Variants in CLSTN1 observed in about 807,000 individuals in gnomAD.
CLSTN1 encodes the protein calsyntenin 1.
CLSTN1 carries 28 observed loss-of-function variants against 108.3 expected under a neutral mutation model. The observed-to-expected ratio is 0.26, with a 90% CI of 0.19 to 0.35. The LOEUF (loss-of-function observed/expected upper bound fraction) is 0.35, where lower values mean the gene tolerates loss of function less well. Ranked by LOEUF, CLSTN1 falls within the 10% of genes least tolerant of loss-of-function variation. CLSTN1 has a pLI of 1.00. For missense variants in CLSTN1, 1,157 were observed against 1,302.6 expected (o/e 0.89, Z 1.72); for synonymous variants, 524 against 534.9 (o/e 0.98, Z 0.28).
rs41280776 is a variant in CLSTN1, at chr1:9,733,394, T to A, written c.2427+7A>T. Reference sequence around the variant, plus strand: ...TTGGCCCTGCTCAGTGGGAGCCTTGTACTCACCTCCACCTTAAATTCGTTG... The same window carrying A: ...TTGGCCCTGCTCAGTGGGAGCCTTGAACTCACCTCCACCTTAAATTCGTTG... On this transcript the variant is annotated splice_region_variant and intron_variant, in intron 16 of 18. Transcript: ENST00000377298. 0.051 allele frequency: 81,574 copies of A among 1,614,152 alleles called. 2,878 individuals are homozygous for A. The highest frequency in any genetic ancestry group is 0.15 in the South Asian group (13,701 of 91,068).
intron 4 of CLSTN1, among the ~76,000 whole-genome samples, 186 bp downstream of exon 4, chr1:9,754,928 T>A (rs1282647661): frequency 1.3e-5 from 2 of 152,184 alleles, no homozygotes; most frequent in Non-Finnish European, 2.9e-5. Context: ...AGAAACTGTA[T>A]ACAAGGGTAG....
chr1:9,758,019 A>ACGGGGG, intron 2 of CLSTN1, among the ~76,000 whole-genome samples: 1 of 151,072 alleles, frequency 6.6e-6, no homozygotes, highest in African/African-American at 2.4e-5. Context: ...GGGGGTGGGA[A>ACGGGGG]CGGAGTTTCA....
At chr1:9,755,034 G>T in intron 4 of CLSTN1, 80 bp downstream of exon 4, 2 of 1,167,080 alleles carry the variant, frequency 1.7e-6, no homozygotes, top group Non-Finnish European at 2.5e-6. Flanking sequence ...TGGGGAGCAG[G>T]CAATAGTCAC....
At chr1:9,733,840 C>T (rs1650535905) in intron 15 of CLSTN1, 132 bp downstream of exon 15, 11 of 948,406 alleles carry the variant, frequency 1.2e-5, no homozygotes, top group African/African-American at 1.6e-5. Context: ...ATGATCCCAG[C>T]GAACGTGCTC....
chr1:9,770,029 CAA>C (rs5772376), intron 2 of CLSTN1, among the ~76,000 whole-genome samples: 2,799 of 115,776 alleles, frequency 0.024, 27 homozygotes, highest in East Asian at 0.049. Flanking sequence ...GACTCCGTCT[CAA>C]AAAAAAAAAA....
chr1:9,733,337 C>T (rs1310994904), intron 16 of CLSTN1, 64 bp downstream of exon 16: 13 of 1,591,720 alleles, frequency 8.2e-6, no homozygotes, highest in African/African-American at 1.3e-5. Context: ...AATATTAGGG[C>T]TGCAAATCAG....
rs143547195 is a variant in CLSTN1 at position 9,773,254 on chromosome 1, T to C, written c.214+18A>G. On this transcript the variant is annotated intron_variant, in intron 2 of 18. Transcript: ENST00000377298. ...CCAGGCCCGATTCATCAAGAGTCAA[T>C]GAAAGCCCCGTTCCTACCTGCAAAT... 2 of 1,613,558 alleles carry C rather than the reference T, an allele frequency of 1.2e-6. No individual in the cohort carries two copies. Among genetic ancestry groups the C allele is most frequent in the Non-Finnish European group, 1.7e-6 (2 of 1,179,692 alleles).
rs1250951972 is a variant in CLSTN1, at chr1:9,749,871, T to C, written c.692A>G (p.His231Arg). 3 of 1,614,014 alleles carry C rather than the reference T, an allele frequency of 1.9e-6. No individual in the cohort carries two copies. Among genetic ancestry groups the C allele is most frequent in the East Asian group, 2.2e-5 (1 of 44,894 alleles). Residue 231 changes from histidine (H) to arginine (R), a missense_variant, in exon 6 of 19, where the codon CAT becomes CGT. Coordinates refer to ENST00000377298, the MANE Select transcript of CLSTN1 (RefSeq NM_001009566.3). ...NTEKLNYGKE[H>R]QYKLTVTAYD... The stretch of plus-strand genomic sequence containing the variant: ...GGCAGTGACGGTCAGCTTATATTGA[T>C]GTTCTTTCCCGTAGTTTAATTTCTC...
chr1:9,809,447 C>G (rs1654638638), intron 1 of CLSTN1, among the ~76,000 whole-genome samples: 1 of 152,128 alleles, frequency 6.6e-6, no homozygotes. Context: ...ACCACCCCAC[C>G]TGCCTCTCCT....
intron 2 of CLSTN1, among the ~76,000 whole-genome samples, chr1:9,769,319 C>G (rs1652551873): frequency 6.6e-6 from 1 of 152,098 alleles, no homozygotes; most frequent in East Asian, 1.9e-4. Context: ...AAACCTATGT[C>G]CACACAAAGA....
At chr1:9,796,615 CG>C (rs1438359515) in intron 1 of CLSTN1, among the ~76,000 whole-genome samples, 7 of 147,704 alleles carry the variant, frequency 4.7e-5, no homozygotes, top group Admixed American at 2.2e-4. Context: ...ACCTGAGAGG[CG>C]GAGCTTGCAG....
chr1:9,800,582 T>C (rs963483343), intron 1 of CLSTN1, among the ~76,000 whole-genome samples: 12 of 132,476 alleles, frequency 9.1e-5, no homozygotes, highest in Admixed American at 6.3e-4. Context: ...AAAAAAAAAT[T>C]AGCTGGGTGT....
chr1:9,792,212 A>T (rs1570498946), intron 1 of CLSTN1, among the ~76,000 whole-genome samples: 1 of 150,844 alleles, frequency 6.6e-6, no homozygotes, highest in East Asian at 2.0e-4. Flanking sequence ...AACAACAACA[A>T]CAAAAAAAAC....
chr1:9,758,184 G>C (rs578156964), intron 2 of CLSTN1, among the ~76,000 whole-genome samples: 21 of 152,216 alleles, frequency 1.4e-4, no homozygotes, highest in African/African-American at 4.3e-4. Context: ...GTAGAGATGG[G>C]GTTTCTCTGT....
chr1:9,731,343 G>C lies in CLSTN1; in HGVS notation c.2611C>G (p.Leu871Val), dbSNP rs1171597460. The change falls in exon 18 of 19, where the codon CTG becomes GTG. Residue 871 changes from leucine to valine, a missense_variant. Transcript: ENST00000377298. Reference sequence around the variant, plus strand: ...ACCCCCAGGATAATCATGAACACCAGGAAGCTGACGCACACCACGATCACA... The same window carrying C: ...ACCCCCAGGATAATCATGAACACCACGAAGCTGACGCACACCACGATCACA... ...TVVIVVCVSF[L>V]VFMIILGVFR... 1 of 1,614,276 alleles carries C rather than the reference G, an allele frequency of 6.2e-7. No individual in the cohort carries two copies. The highest frequency in any genetic ancestry group is 2.2e-5 in the East Asian group (1 of 44,884).
chr1:9,758,772 A>C (rs1474413117), intron 2 of CLSTN1, among the ~76,000 whole-genome samples: 3 of 152,196 alleles, frequency 2.0e-5, no homozygotes, highest in African/African-American at 4.8e-5. Flanking sequence ...GAAAGAGAGC[A>C]CTTAACAAAT....
rs1342298384 is a variant in CLSTN1, at chr1:9,730,212, C to T, written c.*296G>A. On this transcript the variant is annotated 3_prime_UTR_variant, in exon 19 of 19. Transcript: ENST00000377298. This position sits in a 1 kb window ranked among gnomAD's most constrained non-coding sequence, Gnocchi z 5.6. ...GTGCGAGGGGCCAGTGTCCTCTCCC[C>T]GGGGGGAGACTCCAGACACAAACGC... The T allele has an allele frequency of 2.4e-5, 12 of 495,374 alleles. No homozygotes were observed. The highest frequency in any genetic ancestry group is 9.8e-5 in the Admixed American group (3 of 30,706). The allele number at this position is 495,374 out of a possible 1,614,324, so 30.7% of individuals were successfully genotyped here.
rs1557686178 is a variant in CLSTN1, at chr1:9,729,854, T to TGGGGC, written c.*649_*653dup. ...GCCATACTCAGACCTGAGCAGGGGC[T>TGGGGC]GGGGCGGGGCTGGGCGGGGTGGGCC... On this transcript the variant is annotated 3_prime_UTR_variant, in exon 19 of 19. Coordinates refer to ENST00000377298, the MANE Select transcript of CLSTN1 (RefSeq NM_001009566.3). 1.3e-5 allele frequency: 2 copies of TGGGGC among 152,538 alleles called. No homozygotes were observed. Among genetic ancestry groups the TGGGGC allele is most frequent in the South Asian group, 2.0e-4 (1 of 4,902 alleles). The allele number at this position is 152,538 out of a possible 1,614,324, so 9.4% of individuals were successfully genotyped here.
At chr1:9,737,102 TA>T (rs1156975922) in intron 11 of CLSTN1, among the ~76,000 whole-genome samples, 1 of 152,002 alleles carries the variant, frequency 6.6e-6, no homozygotes. Flanking sequence ...GACGTCTATT[TA>T]AAATTTACTG....
Sources: gnomAD v4.1 joint callset for allele counts (sites outside exome capture counted in the v4.1 genomes callset) on GRCh38, gnomAD v4.1.1 for gene constraint, Gnocchi (gnomAD v3.1) non-coding constraint, MANE v1.5 for transcripts, NCBI Gene and HGNC (gene_info 2026-07-23, HGNC 2026-07-21) for gene names.